The following ANKFY1 variants were observed in gnomAD, a reference collection of about 807,000 sequenced individuals.
ANKFY1 encodes the protein ankyrin repeat and FYVE domain containing 1, also known as ankyrin repeat and FYVE domain-containing protein 1.
Under a neutral mutation model 128.3 loss-of-function variants are expected in ANKFY1, and 47 were observed. The observed-to-expected ratio is 0.37, with a 90% CI of 0.29 to 0.47. The LOEUF (loss-of-function observed/expected upper bound fraction) is 0.47, where lower values mean the gene tolerates loss of function less well. ANKFY1 is among the 20% of genes least tolerant of loss of function. ANKFY1 has a pLI of 1.00. For synonymous variants in ANKFY1, 553 were observed against 601.6 expected, an observed-to-expected ratio of 0.92 and a Z score of 1.18; for missense variants, 1,222 against 1,510.6, an observed-to-expected ratio of 0.81 and a Z score of 3.17.
chr17:4,187,444 C>T (rs2059632161), intron 11 of ANKFY1: 1 of 393,944 alleles, frequency 2.5e-6, no homozygotes, highest in Non-Finnish European at 4.5e-6. Flanking sequence ...AATCACACTA[C>T]TTCTCTGCCC....
chr17:4,187,402 G>A, intron 11 of ANKFY1: 1 of 396,986 alleles, frequency 2.5e-6, no homozygotes, highest in Non-Finnish European at 4.4e-6. Flanking sequence ...CACCATGCCA[G>A]CCATCCCAGG....
In ANKFY1 at chr17:4,177,177, G is replaced by A. The variant is rs755543744; in HGVS notation, c.2724C>T (p.Thr908=). The A allele has an allele frequency of 1.2e-6, 2 of 1,607,660 alleles. No individual in the cohort carries two copies. The highest frequency in any genetic ancestry group is 2.2e-5 in the South Asian group (2 of 89,278). ...CTGCTTGGACAGCGAGGTGCAGGGG[G>A]GTCAACTTGGAGGCATCCTGGACTC... is the stretch of plus-strand genomic sequence containing the variant. ...NSRVQDASKL[T]PLHLAVQAGS... The change falls in exon 19 of 25, where the codon ACC becomes ACT. Residue 908 remains threonine (T), a synonymous_variant. Coordinates refer to ENST00000341657, the MANE Select transcript of ANKFY1 (RefSeq NM_001330063.2).
At chr17:4,252,207 G>T (rs987198577) in intron 1 of ANKFY1, among the ~76,000 whole-genome samples, 2 of 152,104 alleles carry the variant, frequency 1.3e-5, no homozygotes, top group African/African-American at 4.8e-5. Context: ...GATGCAAATT[G>T]AAATCACAAT....
At chr17:4,223,979 T>C (rs1290562915) in intron 3 of ANKFY1, among the ~76,000 whole-genome samples, 1 of 152,118 alleles carries the variant, frequency 6.6e-6, no homozygotes, top group African/African-American at 2.4e-5. Context: ...ACAGACTTAA[T>C]AATGTGGCAT....
Position 4,166,516 on chromosome 17 carries a change from A to C in ANKFY1, c.*1263T>G, listed in dbSNP as rs2059213420. The C allele has an allele frequency of 6.6e-6, 1 of 152,664 alleles. No individual in the cohort carries two copies. The highest frequency in any genetic ancestry group is 2.4e-5 in the African/African-American group (1 of 41,466). 9.5% of individuals were successfully genotyped at this position (152,664 alleles called of 1,614,324 possible). A position where few individuals can be genotyped will look rare whatever the true frequency, so the allele number is the denominator to read the frequency against. On this transcript the variant is annotated 3_prime_UTR_variant, in exon 25 of 25. Transcript: ENST00000341657. ...CTTCAAAAGAAAAGTTTAACACCTC[A>C]CGGTTAATATATGTACTAACAGCGA...
intron 21 of ANKFY1, among the ~76,000 whole-genome samples, chr17:4,172,938 C>T (rs2059347950): frequency 6.6e-6 from 1 of 152,250 alleles, no homozygotes; most frequent in Admixed American, 6.5e-5. Flanking sequence ...CGGCTCACTG[C>T]AAGCTCCGCC....
At chr17:4,170,039 A>G (rs1171337206) in intron 23 of ANKFY1, among the ~76,000 whole-genome samples, 1 of 152,212 alleles carries the variant, frequency 6.6e-6, no homozygotes, top group Non-Finnish European at 1.5e-5. Flanking sequence ...TCAAAGGCCA[A>G]GTGCACGGCA....
chr17:4,216,644 G>C (rs1482982720), intron 4 of ANKFY1: 1 of 345,494 alleles, frequency 2.9e-6, no homozygotes, highest in Non-Finnish European at 5.7e-6. Flanking sequence ...TGATATATCA[G>C]AAAATAGAGT....
chr17:4,263,764 C>G (rs1968554537), intron 1 of ANKFY1, 168 bp downstream of exon 1: 5 of 1,539,352 alleles, frequency 3.2e-6, no homozygotes, highest in Non-Finnish European at 4.3e-6. Context: ...AACCGCGCTC[C>G]GGACCCCGGC....
chr17:4,205,121 CA>C (rs2059998432), intron 7 of ANKFY1, among the ~76,000 whole-genome samples: 1 of 152,066 alleles, frequency 6.6e-6, no homozygotes, highest in South Asian at 2.1e-4. Flanking sequence ...AATGCATCAT[CA>C]AAAGGGGAAA....
At chr17:4,254,292 A>T (rs1967998683) in intron 1 of ANKFY1, among the ~76,000 whole-genome samples, 1 of 128,482 alleles carries the variant, frequency 7.8e-6, no homozygotes, top group Non-Finnish European at 1.6e-5. Flanking sequence ...CCACAGAGTG[A>T]GACTCCATCT....
At chr17:4,220,076 C>T (rs935737277) in intron 3 of ANKFY1, among the ~76,000 whole-genome samples, 2 of 152,186 alleles carry the variant, frequency 1.3e-5, no homozygotes, top group African/African-American at 4.8e-5. Context: ...CCACCTGCTT[C>T]GGCCTCCCAA....
Position 4,182,199 on chromosome 17 carries a change from C to T in ANKFY1, c.2103G>A (p.Glu701=), listed in dbSNP as rs1418180936. 1.3e-6 allele frequency: 2 copies of T among 1,562,836 alleles called. No homozygotes were observed. Among genetic ancestry groups the T allele is most frequent in the East Asian group, 2.3e-5 (1 of 43,262 alleles). ...PLWLALANNL[E]DIASTLVRHG... is the part of the protein sequence containing the mutation. The stretch of plus-strand genomic sequence containing the variant: ...GTCTCACCAGAGTGGATGCGATGTC[C>T]TCCAGATTGTTTGCCAATGCAAGCC... The change falls in exon 15 of 25, where the codon GAG becomes GAA. Residue 701 remains glutamate (E), a synonymous_variant. Transcript: ENST00000341657.
At chr17:4,237,223 A>C (rs1312121360) in intron 2 of ANKFY1, among the ~76,000 whole-genome samples, 1 of 152,236 alleles carries the variant, frequency 6.6e-6, no homozygotes, top group Admixed American at 6.5e-5. Context: ...TATTGTCTAG[A>C]ATACACTTAA....
At chr17:4,177,660 G>A (rs1223138106) in intron 18 of ANKFY1, among the ~76,000 whole-genome samples, 8 of 152,240 alleles carry the variant, frequency 5.3e-5, no homozygotes, top group Admixed American at 6.5e-5. Context: ...GAGGGAAAAT[G>A]GAGACAAGCC....
At chr17:4,175,520 C>T (rs2059397215) in intron 19 of ANKFY1, among the ~76,000 whole-genome samples, 1 of 152,118 alleles carries the variant, frequency 6.6e-6, no homozygotes, top group South Asian at 2.1e-4. Flanking sequence ...AGTCAGAACC[C>T]AATTTGCTGC....
intron 4 of ANKFY1, chr17:4,216,690 G>C: frequency 2.5e-6 from 1 of 394,830 alleles, no homozygotes; most frequent in South Asian, 2.3e-5. Context: ...AAGGAAAGCT[G>C]AAAGTTTGGA....
chr17:4,257,945 A>C (rs1397339523), intron 1 of ANKFY1, among the ~76,000 whole-genome samples: 1 of 152,246 alleles, frequency 6.6e-6, no homozygotes, highest in East Asian at 1.9e-4. Context: ...ATAGTATCTC[A>C]AATTGCCTAC....
intron 1 of ANKFY1, among the ~76,000 whole-genome samples, chr17:4,242,752 A>G (rs962304807): frequency 6.6e-6 from 1 of 152,238 alleles, no homozygotes; most frequent in African/African-American, 2.4e-5. Flanking sequence ...AAAGAAAAAA[A>G]AAGAATGGCT....
Sources: allele counts gnomAD v4.1 joint callset (sites outside exome capture counted in the v4.1 genomes callset), GRCh38; gene constraint gnomAD v4.1.1; transcripts MANE v1.5; gene names NCBI Gene and HGNC (gene_info 2026-07-23, HGNC 2026-07-21).